The following ERO1B variants were observed in gnomAD, a reference collection of about 807,000 sequenced individuals.
ERO1B encodes endoplasmic reticulum oxidoreductase 1 beta, also known as ERO1-like protein beta.
Under a neutral mutation model 75.3 loss-of-function variants are expected in ERO1B, and 49 were observed. The observed-to-expected ratio is 0.65, with a 90% CI of 0.52 to 0.83. ERO1B has a LOEUF of 0.83. ERO1B is among the 40% of genes least tolerant of loss of function. The pLI is 0.00. For missense variants in ERO1B, 512 were observed against 560.1 expected, an observed-to-expected ratio of 0.91 and a Z score of 0.87; for synonymous variants, 191 against 192.9, an observed-to-expected ratio of 0.99 and a Z score of 0.08.
At chr1:236,246,016 T>C (rs1455057891) in intron 5 of ERO1B, among the ~76,000 whole-genome samples, 1 of 152,130 alleles carries the variant, frequency 6.6e-6, no homozygotes, top group Non-Finnish European at 1.5e-5. Flanking sequence ...AAAATCATAG[T>C]ACCAATCACT....
At chr1:236,226,818 G>C in intron 10 of ERO1B, 79 bp from the exon 11 acceptor site, 5 of 1,006,430 alleles carry the variant, frequency 5.0e-6, no homozygotes, top group Non-Finnish European at 7.5e-6. Context: ...TCAGTATGTA[G>C]GCTTATTTTT....
At chr1:236,235,936 T>G (rs890438864) in intron 7 of ERO1B, 101 bp from the exon 8 acceptor site, 4 of 1,040,464 alleles carry the variant, frequency 3.8e-6, no homozygotes, top group East Asian at 2.6e-5. Context: ...CACCCTCTTT[T>G]TTTTTTGAGA....
At chr1:236,267,055 C>A (rs757796886) in intron 2 of ERO1B, among the ~76,000 whole-genome samples, 2 of 152,218 alleles carry the variant, frequency 1.3e-5, no homozygotes, top group African/African-American at 2.4e-5. Flanking sequence ...TTTACTCATG[C>A]AAATGAGACT....
chr1:236,253,432 G>T lies in ERO1B; in HGVS notation c.296C>A (p.Pro99His). The T allele has an allele frequency of 6.2e-7, 1 of 1,605,238 alleles. No individual in the cohort carries two copies. The change falls in exon 3 of 16, where the codon CCC (proline) becomes CAC (histidine). Residue 99 changes from proline (P) to histidine (H), a missense_variant. Transcript: ENST00000354619. ...HCSIKDCHVEPCPESKIPVGI... is the reference protein window; with the variant it reads ...HCSIKDCHVEHCPESKIPVGI... ...TTTTATTTATTATACCTCTGGACAG[G>T]GCTCCACATGACAGTCTTTTATTGA... is the stretch of plus-strand genomic sequence containing the variant.
chr1:236,235,310 A>G (rs1664512827), intron 8 of ERO1B, among the ~76,000 whole-genome samples: 1 of 152,224 alleles, frequency 6.6e-6, no homozygotes, highest in Non-Finnish European at 1.5e-5. Context: ...GTATGTTACC[A>G]AGGCTCCTGG....
chr1:236,226,380 A>G lies in ERO1B; in HGVS notation c.941T>C (p.Leu314Ser). The change falls in exon 12 of 16, where the codon TTG becomes TCG. Residue 314 changes from leucine (L) to serine (S), a missense_variant. Transcript: ENST00000354619. ...YFLYLIELRA[L>S]SKVAPYFERS... The stretch of plus-strand genomic sequence containing the variant: ...CTCAAAATATGGAGCCACCTTTGAC[A>G]AAGCTCGAAGCTCAATCAAGTATAA... The G allele has an allele frequency of 6.2e-7, 1 of 1,614,142 alleles. No homozygotes were observed. Among genetic ancestry groups the G allele is most frequent in the Non-Finnish European group, 8.5e-7 (1 of 1,180,008 alleles).
intron 2 of ERO1B, chr1:236,267,768 C>T (rs940837096): frequency 1.9e-4 from 29 of 152,198 alleles, no homozygotes; most frequent in African/African-American, 7.0e-4. Flanking sequence ...TAAAGAAGCA[C>T]CTGTCTCTCC....
At chr1:236,228,218 T>C (rs1282131960) in intron 10 of ERO1B, among the ~76,000 whole-genome samples, 1 of 152,112 alleles carries the variant, frequency 6.6e-6, no homozygotes, top group African/African-American at 2.4e-5. Flanking sequence ...CAGTTATAAT[T>C]TGCAAAGCCC....
At position 236,220,889 on chromosome 1, in the gene ERO1B, G is replaced by C. The variant is rs1236890830; in HGVS notation, c.1286C>G (p.Ser429Cys). The C allele has an allele frequency of 6.2e-7, 1 of 1,603,310 alleles. No homozygotes were observed. The highest frequency in any genetic ancestry group is 1.7e-5 in the Admixed American group (1 of 58,796). Residue 429 changes from serine (S) to cysteine (C), a missense_variant, in exon 15 of 16, where the codon TCT becomes TGT. Coordinates refer to ENST00000354619, the MANE Select transcript of ERO1B (RefSeq NM_019891.4). Reference protein sequence around the residue: ...EIQKLPENSPSKGFQLTRQEI... With the variant: ...EIQKLPENSPCKGFQLTRQEI... ...CTGTCGGGTGAGTTGGAAGCCTTTA[G>C]ATGGACTATTCTCTGGAAGCTTTTG...
chr1:236,230,304 A>G (rs1336031194), intron 9 of ERO1B, 54 bp from the exon 10 acceptor site: 1 of 1,436,172 alleles, frequency 7.0e-7, no homozygotes, highest in African/African-American at 1.4e-5. Context: ...TATAAAGTAG[A>G]ATAAATTAGG....
chr1:236,240,773 T>C (rs1664679068), intron 6 of ERO1B, among the ~76,000 whole-genome samples: 2 of 151,808 alleles, frequency 1.3e-5, no homozygotes, highest in African/African-American at 2.4e-5. Context: ...ACAATCTAGC[T>C]GGGGAAGACT....
intron 5 of ERO1B, among the ~76,000 whole-genome samples, chr1:236,246,395 C>T (rs1380606469): frequency 6.6e-6 from 1 of 151,890 alleles, no homozygotes; most frequent in African/African-American, 2.4e-5. Context: ...TGATTTTGAA[C>T]TCCTGGCTTC....
At chr1:236,221,817 C>T in intron 14 of ERO1B, 107 bp downstream of exon 14, 1 of 857,700 alleles carries the variant, frequency 1.2e-6, no homozygotes. Context: ...CTGCCTATTC[C>T]TAAATTCTAA....
At chr1:236,233,340 G>A (rs1434738888) in intron 8 of ERO1B, among the ~76,000 whole-genome samples, 2 of 150,120 alleles carry the variant, frequency 1.3e-5, no homozygotes, top group African/African-American at 2.5e-5. Context: ...GGCTGGGCAC[G>A]GTGGCTCAGG....
chr1:236,241,702 A>G (rs760712019), intron 6 of ERO1B, among the ~76,000 whole-genome samples: 107 of 151,974 alleles, frequency 7.0e-4, no homozygotes, highest in Non-Finnish European at 1.4e-3. Context: ...GAAAATCTTA[A>G]GGGGATGATT....
At chr1:236,264,352 A>G (rs1665370852) in intron 2 of ERO1B, among the ~76,000 whole-genome samples, 1 of 151,942 alleles carries the variant, frequency 6.6e-6, no homozygotes, top group Admixed American at 6.6e-5. Flanking sequence ...CAACTGATCC[A>G]CTTGCCTCAG....
intron 1 of ERO1B, among the ~76,000 whole-genome samples, chr1:236,280,923 G>A (rs1665815652): frequency 6.6e-6 from 1 of 152,134 alleles, no homozygotes; most frequent in South Asian, 2.1e-4. Flanking sequence ...GAAAGGATCT[G>A]GTCAGCTAAG....
intron 6 of ERO1B, among the ~76,000 whole-genome samples, chr1:236,239,209 A>G (rs971346631): frequency 6.6e-6 from 1 of 152,198 alleles, no homozygotes; most frequent in Non-Finnish European, 1.5e-5. Context: ...AAATCATGAA[A>G]AGAGTGGGTT....
intron 2 of ERO1B, among the ~76,000 whole-genome samples, chr1:236,255,068 G>A (rs1665128726): frequency 6.6e-6 from 1 of 150,874 alleles, no homozygotes; most frequent in Non-Finnish European, 1.5e-5. Context: ...GACCACAGAT[G>A]TACCACCACA....
Sources: allele counts gnomAD v4.1 joint callset (sites outside exome capture counted in the v4.1 genomes callset), GRCh38; gene constraint gnomAD v4.1.1; transcripts MANE v1.5; gene names NCBI Gene and HGNC (gene_info 2026-07-23, HGNC 2026-07-21).